The following FBLN2 variants were observed in gnomAD, a reference collection of about 807,000 sequenced individuals.
FBLN2 encodes the protein fibulin-2.
In FBLN2, 81 loss-of-function variants were observed where a neutral mutation model predicts 123.7. The observed-to-expected ratio is 0.65, with a 90% CI of 0.55 to 0.79. The LOEUF (loss-of-function observed/expected upper bound fraction) is 0.79, where lower values mean the gene tolerates loss of function less well. Among genes scored for constraint, FBLN2 ranks in the 30% least tolerant of loss-of-function variants. FBLN2 has a pLI of 0.00. For missense variants in FBLN2, 1,603 were observed against 1,681.3 expected, an observed-to-expected ratio of 0.95 and a Z score of 0.81; for synonymous variants, 699 against 701.4, an observed-to-expected ratio of 1.00 and a Z score of 0.05.
At chr3:13,591,243 C>A (rs1159257527) in intron 2 of FBLN2, among the ~76,000 whole-genome samples, 1 of 152,176 alleles carries the variant, frequency 6.6e-6, no homozygotes, top group East Asian at 1.9e-4. Context: ...CTTATTGATT[C>A]ATAGGGGTTT....
chr3:13,629,158 C>T lies in FBLN2; in HGVS notation c.2714-6C>T. 6.2e-7 allele frequency: 1 copy of T among 1,613,050 alleles called. No individual in the cohort carries two copies. Among genetic ancestry groups the T allele is most frequent in the African/African-American group, 1.3e-5 (1 of 75,066 alleles). Reference sequence around the variant, plus strand: ...GGCCTCAAGGTACCCTGCTCACCCCCCACAGACGTGAATGAGTGTGAGACA... The same window carrying T: ...GGCCTCAAGGTACCCTGCTCACCCCTCACAGACGTGAATGAGTGTGAGACA... On this transcript the variant is annotated splice_region_variant and splice_polypyrimidine_tract_variant and intron_variant, in intron 12 of 17. Transcript: ENST00000404922.
At chr3:13,620,215 G>A (rs745449260) in intron 8 of FBLN2, among the ~76,000 whole-genome samples, 16 of 152,304 alleles carry the variant, frequency 1.1e-4, no homozygotes, top group South Asian at 2.1e-4. Context: ...GTCTGGGTGG[G>A]TGGGCCTGAG....
Position 13,638,206 on chromosome 3 carries a change from G to A in FBLN2, c.*287G>A, listed in dbSNP as rs537688437. On this transcript the variant is annotated 3_prime_UTR_variant, in exon 18 of 18. Transcript: ENST00000404922. ...GATGACCTGAGGACCAGAGACACGC[G>A]ACCATGTTGGGGCTCTTGGACTCCT... 2.4e-4 allele frequency: 151 copies of A among 618,046 alleles called. 2 individuals are homozygous for A. The highest frequency in any genetic ancestry group is 2.4e-3 in the South Asian group (146 of 61,524). The allele number at this position is 618,046 out of a possible 1,614,324, so 38.3% of individuals were successfully genotyped here.
chr3:13,579,129 G>C (rs930421352), intron 2 of FBLN2, among the ~76,000 whole-genome samples: 13 of 152,162 alleles, frequency 8.5e-5, no homozygotes, highest in African/African-American at 2.9e-4. Context: ...AGTGCACAAG[G>C]GTTCCAGTTT....
At chr3:13,585,697 A>T (rs1259354294) in intron 2 of FBLN2, among the ~76,000 whole-genome samples, 1 of 152,180 alleles carries the variant, frequency 6.6e-6, no homozygotes, top group Non-Finnish European at 1.5e-5. Context: ...AGGCCAAGGC[A>T]GGAGAATCGC....
At chr3:13,623,802 C>T (rs573545710) in intron 9 of FBLN2, among the ~76,000 whole-genome samples, 1 of 152,304 alleles carries the variant, frequency 6.6e-6, no homozygotes, top group Admixed American at 6.5e-5. Flanking sequence ...CAGCACCTAC[C>T]TCAAAGAGTC....
rs1428180251 is a variant in FBLN2 at position 13,571,094 on chromosome 3, T to A, written c.739T>A (p.Trp247Arg). The A allele has an allele frequency of 1.3e-6, 2 of 1,552,870 alleles. No homozygotes were observed. The highest frequency in any genetic ancestry group is 1.7e-6 in the Non-Finnish European group (2 of 1,148,492). ...QPLSTIQAPPWPAVLPRPTAA... is the reference protein window; with the variant it reads ...QPLSTIQAPPRPAVLPRPTAA... ...ACTGTCCACCATCCAGGCACCCCCCTGGCCAGCTGTCCTCCCCAGGCCCAC... is the reference window on the plus strand; with the variant it reads ...ACTGTCCACCATCCAGGCACCCCCCAGGCCAGCTGTCCTCCCCAGGCCCAC... Residue 247 changes from tryptophan (W) to arginine (R), a missense_variant, in exon 2 of 18, where the codon TGG becomes AGG. Transcript: ENST00000404922.
At chr3:13,553,756 C>T (rs181224778) in intron 1 of FBLN2, among the ~76,000 whole-genome samples, 28 of 152,354 alleles carry the variant, frequency 1.8e-4, no homozygotes, top group Non-Finnish European at 3.2e-4. Context: ...CAGTGCGTCC[C>T]GCCCAGGTCT....
rs542513269 is a variant in FBLN2, at chr3:13,596,433, G to A, written c.1307-11629G>A. Among the ~76,000 whole-genome samples, 8 of 152,362 alleles carry A rather than the reference G, an allele frequency of 5.3e-5. No individual in the cohort carries two copies. The East Asian group carries it at 1.3e-3, about 26-fold the overall frequency. On this transcript the variant is annotated intron_variant, in intron 2 of 17. Coordinates refer to ENST00000404922, the MANE Select transcript of FBLN2 (RefSeq NM_001004019.2). The stretch of plus-strand genomic sequence containing the variant: ...GATCTTTGCTGTCACAAATGCAGGT[G>A]CATCAGAATCTGTGATGCTCCTGTT...
chr3:13,553,056 G>A (rs1209279181), intron 1 of FBLN2, among the ~76,000 whole-genome samples: 1 of 152,188 alleles, frequency 6.6e-6, no homozygotes, highest in Admixed American at 6.5e-5. Flanking sequence ...TCCTGGAGGT[G>A]GCGCAGGCAC....
chr3:13,575,620 G>C (rs1424964561), intron 2 of FBLN2, among the ~76,000 whole-genome samples: 1 of 152,176 alleles, frequency 6.6e-6, no homozygotes, highest in Non-Finnish European at 1.5e-5. Context: ...TGGGGCTCCT[G>C]ATAACAAAGC....
At chr3:13,592,018 C>CTTTTTTTT (rs869103466) in intron 2 of FBLN2, among the ~76,000 whole-genome samples, 37 of 131,976 alleles carry the variant, frequency 2.8e-4, no homozygotes, top group East Asian at 8.8e-4. Flanking sequence ...CCTCTCTTTT[C>CTTTTTTTT]TTTTTTTTTT....
At chr3:13,566,593 C>G (rs1703754261) in intron 1 of FBLN2, 1 of 152,306 alleles carries the variant, frequency 6.6e-6, no homozygotes, top group African/African-American at 2.4e-5. Context: ...GCCACTCCCT[C>G]TCGACACATC....
chr3:13,569,483 A>AAGGAAG (rs1286887770), intron 1 of FBLN2, among the ~76,000 whole-genome samples: 1 of 151,226 alleles, frequency 6.6e-6, no homozygotes, highest in Non-Finnish European at 1.5e-5. Context: ...CAGGGCCTAG[A>AAGGAAG]GATGGAAGGA....
chr3:13,612,973 C>T (rs1705455674), intron 4 of FBLN2, among the ~76,000 whole-genome samples: 1 of 152,174 alleles, frequency 6.6e-6, no homozygotes, highest in African/African-American at 2.4e-5. Flanking sequence ...ATCCTGGGGG[C>T]GGGGGTGAGT....
intron 2 of FBLN2, among the ~76,000 whole-genome samples, chr3:13,599,061 C>T (rs1704940046): frequency 6.6e-6 from 1 of 152,194 alleles, no homozygotes; most frequent in African/African-American, 2.4e-5. Flanking sequence ...GCTGTGAAGG[C>T]CCTGAGTCTC....
At chr3:13,602,488 G>A (rs982697450) in intron 2 of FBLN2, among the ~76,000 whole-genome samples, 8 of 152,276 alleles carry the variant, frequency 5.3e-5, no homozygotes, top group African/African-American at 1.4e-4. Flanking sequence ...GGTTGGAATC[G>A]CATTGAAGTT....
chr3:13,583,051 T>G (rs1704385893), intron 2 of FBLN2, among the ~76,000 whole-genome samples: 1 of 152,262 alleles, frequency 6.6e-6, no homozygotes, highest in Non-Finnish European at 1.5e-5. Flanking sequence ...CATGCTGCAC[T>G]CTTGTTTCGG....
At chr3:13,591,859 G>T (rs747935154) in intron 2 of FBLN2, among the ~76,000 whole-genome samples, 18 of 152,080 alleles carry the variant, frequency 1.2e-4, no homozygotes, top group East Asian at 9.6e-4. Context: ...TCTGTGTATG[G>T]TGTGAGTAGG....
Sources: gnomAD v4.1 joint callset for allele counts (sites outside exome capture counted in the v4.1 genomes callset) on GRCh38, gnomAD v4.1.1 for gene constraint, MANE v1.5 for transcripts, NCBI Gene and HGNC (gene_info 2026-07-23, HGNC 2026-07-21) for gene names.